The following WDFY3 variants were observed in gnomAD, a reference collection of about 807,000 sequenced individuals.
The protein encoded by WDFY3 is WD repeat and FYVE domain containing 3.
In WDFY3, 66 loss-of-function variants were observed where a neutral mutation model predicts 409.6. The observed-to-expected ratio is 0.16, with a 90% confidence interval of 0.13 to 0.20. The LOEUF (loss-of-function observed/expected upper bound fraction) is 0.20. WDFY3 is among the 10% of genes least tolerant of loss of function. The pLI is 1.00. For missense variants in WDFY3, 3,031 were observed against 4,298.1 expected (o/e 0.71, Z 8.24); for synonymous variants, 1,521 against 1,537.1 (o/e 0.99, Z 0.25).
At position 84,741,818 on chromosome 4, in the gene WDFY3, G is replaced by C; in HGVS notation, c.6177C>G (p.Gly2059=). 6.2e-7 allele frequency: 1 copy of C among 1,612,964 alleles called. No individual in the cohort carries two copies. The highest frequency in any genetic ancestry group is 8.5e-7 in the Non-Finnish European group (1 of 1,179,248). The stretch of plus-strand genomic sequence containing the variant: ...GAAGTTTAGATTCTTTGTTGAACAT[G>C]CCTTGCCAAAGCTTGTCCACCACAC... The part of the protein sequence containing the change: ...TQRVVDKLWQ[G]MFNKESKLLI... The change falls in exon 38 of 68, where the codon GGC becomes GGG. Residue 2059 remains glycine (G), a synonymous_variant. Transcript: ENST00000295888.
intron 24 of WDFY3, 71 bp downstream of exon 24, chr4:84,785,908 T>G (rs1180799166): frequency 6.5e-7 from 1 of 1,534,152 alleles, no homozygotes; most frequent in Non-Finnish European, 8.9e-7. Context: ...TTGAGTAGTA[T>G]CCATATGAGA....
At chr4:84,872,248 C>T (rs989403016) in intron 3 of WDFY3, among the ~76,000 whole-genome samples, 14 of 151,802 alleles carry the variant, frequency 9.2e-5, no homozygotes, top group African/African-American at 2.7e-4. Flanking sequence ...GGGCAGATCA[C>T]GAGGTCAGGA....
intron 35 of WDFY3, 130 bp from the exon 36 acceptor site, chr4:84,751,846 T>C: frequency 1.1e-6 from 1 of 897,330 alleles, no homozygotes; most frequent in South Asian, 1.6e-5. Flanking sequence ...ATTATTTCAC[T>C]CTGCTTTACT....
At chr4:84,707,043 A>G (rs1031615948) in intron 53 of WDFY3, among the ~76,000 whole-genome samples, 4 of 149,756 alleles carry the variant, frequency 2.7e-5, no homozygotes, top group African/African-American at 7.4e-5. Flanking sequence ...AGCTCAAGTG[A>G]TCCTCCCATT....
At chr4:84,801,951 T>C (rs1750649228) in intron 16 of WDFY3, 87 bp from the exon 17 acceptor site, 1 of 433,680 alleles carries the variant, frequency 2.3e-6, no homozygotes, top group Non-Finnish European at 3.3e-6. Flanking sequence ...ACCTTTTTAA[T>C]TTTTTTTTTT....
intron 56 of WDFY3, among the ~76,000 whole-genome samples, chr4:84,699,239 G>C (rs1730673272): frequency 6.6e-6 from 1 of 151,990 alleles, no homozygotes; most frequent in African/African-American, 2.4e-5. Context: ...CCCAGCCCCA[G>C]AACACCAATC....
chr4:84,928,165 A>T (rs1259683989), intron 2 of WDFY3, among the ~76,000 whole-genome samples: 2 of 152,238 alleles, frequency 1.3e-5, no homozygotes, highest in Non-Finnish European at 2.9e-5. Flanking sequence ...TTCTGAAGCC[A>T]GGATGCCCTT....
At chr4:84,682,689 T>A in intron 63 of WDFY3, 1 of 508,348 alleles carries the variant, frequency 2.0e-6, no homozygotes, top group East Asian at 3.5e-5. Flanking sequence ...CATATTAGTT[T>A]AAAAACATGG....
chr4:84,799,688 A>G (rs912957433), intron 17 of WDFY3, among the ~76,000 whole-genome samples: 36 of 148,580 alleles, frequency 2.4e-4, no homozygotes, highest in Non-Finnish European at 4.5e-5. Flanking sequence ...ACATCATGTT[A>G]AAAAAAAAAG....
intron 67 of WDFY3, among the ~76,000 whole-genome samples, chr4:84,675,644 C>T (rs970361143): frequency 3.9e-5 from 6 of 152,144 alleles, no homozygotes; most frequent in Non-Finnish European, 8.8e-5. Flanking sequence ...ATGCCCATAC[C>T]AGTAAGCCAA....
At chr4:84,767,520 G>A (rs965262331) in intron 30 of WDFY3, among the ~76,000 whole-genome samples, 2 of 151,860 alleles carry the variant, frequency 1.3e-5, no homozygotes, top group Non-Finnish European at 1.5e-5. Context: ...GATCAGACAA[G>A]CCCAAAGCTG....
intron 3 of WDFY3, among the ~76,000 whole-genome samples, chr4:84,870,330 G>C (rs1244287754): frequency 6.6e-6 from 1 of 152,150 alleles, no homozygotes; most frequent in Non-Finnish European, 1.5e-5. Context: ...AAAGAACTGA[G>C]GTCGCAGGGC....
At chr4:84,826,684 AAAC>A in intron 10 of WDFY3, 128 bp downstream of exon 10, 2 of 906,388 alleles carry the variant, frequency 2.2e-6, no homozygotes, top group Admixed American at 4.2e-5. Flanking sequence ...ATTAAAAAAA[AAAC>A]AAGCTTTAAG....
intron 21 of WDFY3, among the ~76,000 whole-genome samples, chr4:84,790,920 T>C (rs1225860021): frequency 2.0e-5 from 3 of 151,972 alleles, no homozygotes; most frequent in Non-Finnish European, 2.9e-5. Flanking sequence ...ACCTCACACC[T>C]GTCAGAATGG....
intron 3 of WDFY3, among the ~76,000 whole-genome samples, chr4:84,892,592 T>C (rs925533540): frequency 6.6e-6 from 1 of 152,198 alleles, no homozygotes; most frequent in Admixed American, 6.5e-5. Context: ...GCCTCTCATA[T>C]AGATCTCCCA....
intron 45 of WDFY3, among the ~76,000 whole-genome samples, chr4:84,725,328 T>C (rs1735489825): frequency 6.6e-6 from 1 of 152,210 alleles, no homozygotes. Flanking sequence ...TTAATGAACA[T>C]ACAGCAGTCC....
intron 32 of WDFY3, among the ~76,000 whole-genome samples, chr4:84,764,270 T>C (rs1345315354): frequency 6.6e-6 from 1 of 152,216 alleles, no homozygotes; most frequent in Non-Finnish European, 1.5e-5. Context: ...CGTTATTTAT[T>C]CTCCAGTAGG....
chr4:84,837,070 T>C lies in WDFY3; in HGVS notation c.435A>G (p.Thr145=). The C allele has an allele frequency of 1.3e-6, 2 of 1,554,730 alleles. No homozygotes were observed. Among genetic ancestry groups the C allele is most frequent in the Non-Finnish European group, 1.7e-6 (2 of 1,149,400 alleles). The change falls in exon 7 of 68, where the codon ACA becomes ACG. Residue 145 remains threonine (T), a synonymous_variant. Transcript: ENST00000295888. The part of the protein sequence containing the change: ...SSGQKTVDCM[T]TMSVPSTLVK... ...CCAGGGTGGAAGGCACTGACATTGT[T>C]GTCATGCAGTCCACGGTTTTCTGGA...
chr4:84,904,166 C>A (rs1182392164), intron 2 of WDFY3, among the ~76,000 whole-genome samples: 1 of 152,206 alleles, frequency 6.6e-6, no homozygotes, highest in African/African-American at 2.4e-5. Context: ...TCACCAGACA[C>A]TGAATCTGCT....
Sources: allele counts gnomAD v4.1 joint callset (sites outside exome capture counted in the v4.1 genomes callset), GRCh38; gene constraint gnomAD v4.1.1; transcripts MANE v1.5; gene names NCBI Gene and HGNC (gene_info 2026-07-23, HGNC 2026-07-21).